The following RBFOX1 variants were observed in gnomAD, a reference collection of about 807,000 sequenced individuals.
RBFOX1 encodes RNA binding protein fox-1 homolog 1.
A neutral mutation model predicts 57.7 loss-of-function variants in RBFOX1; 8 were observed. The observed-to-expected ratio is 0.14, with a 90% CI of 0.08 to 0.25. The LOEUF (loss-of-function observed/expected upper bound fraction) is 0.25. RBFOX1 is among the 10% of genes least tolerant of loss of function. The pLI, the probability that RBFOX1 is intolerant of heterozygous loss-of-function variation, is 1.00. For synonymous variants in RBFOX1, 326 were observed against 222.4 expected, an observed-to-expected ratio of 1.47 and a Z score of -4.15; for missense variants, 611 against 548.5, an observed-to-expected ratio of 1.11 and a Z score of -1.14.
chr16:5,757,071 T>G (rs1208698228), intron 3 of RBFOX1, among the ~76,000 whole-genome samples: 1 of 152,192 alleles, frequency 6.6e-6, no homozygotes, highest in Non-Finnish European at 1.5e-5. Flanking sequence ...ATTGCATTCT[T>G]CAGATTCATT....
At chr16:6,117,682 A>C (rs961602767) in intron 1 of RBFOX1, among the ~76,000 whole-genome samples, 2 of 152,252 alleles carry the variant, frequency 1.3e-5, no homozygotes, top group Non-Finnish European at 2.9e-5. Context: ...TGAACTTCCC[A>C]GCCTCCAGAA....
intron 3 of RBFOX1, among the ~76,000 whole-genome samples, chr16:5,718,696 C>G (rs563886157): frequency 6.6e-6 from 1 of 152,092 alleles, no homozygotes; most frequent in African/African-American, 2.4e-5. Context: ...CACCTGAAGT[C>G]AGGAGTTTGA....
intron 4 of RBFOX1, among the ~76,000 whole-genome samples, chr16:7,346,285 C>G (rs2097003288): frequency 6.6e-6 from 1 of 151,902 alleles, no homozygotes; most frequent in Non-Finnish European, 1.5e-5. Context: ...GACACACACA[C>G]CATGATGTGT....
chr16:6,729,432 G>A (rs577853483), intron 3 of RBFOX1, among the ~76,000 whole-genome samples: 1 of 152,216 alleles, frequency 6.6e-6, no homozygotes, highest in East Asian at 1.9e-4. Flanking sequence ...GCGTTCTGAC[G>A]GCTAAAAGGT....
intron 3 of RBFOX1, among the ~76,000 whole-genome samples, chr16:7,020,216 T>G (rs2094136618): frequency 6.6e-6 from 1 of 152,148 alleles, no homozygotes; most frequent in South Asian, 2.1e-4. Context: ...CTTTGTTTCT[T>G]TGTTTCTTTC....
At chr16:6,755,065 T>C (rs926965980) in intron 3 of RBFOX1, among the ~76,000 whole-genome samples, 3 of 152,206 alleles carry the variant, frequency 2.0e-5, no homozygotes, top group African/African-American at 7.2e-5. Flanking sequence ...TAGTATTCCA[T>C]GGTGTATATG....
At chr16:5,361,888 G>C (rs2065561892) in intron 1 of RBFOX1, among the ~76,000 whole-genome samples, 1 of 152,226 alleles carries the variant, frequency 6.6e-6, no homozygotes, top group East Asian at 1.9e-4. Context: ...CTCACAGGCA[G>C]TGACAAAAAT....
intron 2 of RBFOX1, among the ~76,000 whole-genome samples, chr16:6,546,567 G>A (rs1249132809): frequency 6.6e-6 from 1 of 152,114 alleles, no homozygotes; most frequent in Non-Finnish European, 1.5e-5. Context: ...CATTCTCCCT[G>A]GCTCTTTTCA....
intron 4 of RBFOX1, among the ~76,000 whole-genome samples, chr16:7,212,633 GA>G (rs146379259): frequency 4.6e-5 from 7 of 151,354 alleles, no homozygotes; most frequent in Admixed American, 1.3e-4. Flanking sequence ...AGTTGTTTTA[GA>G]AAAAAAACGA....
intron 2 of RBFOX1, among the ~76,000 whole-genome samples, chr16:5,538,174 A>T (rs1445153160): frequency 6.6e-6 from 1 of 152,180 alleles, no homozygotes; most frequent in Non-Finnish European, 1.5e-5. Flanking sequence ...GAGGGTGTGG[A>T]GATGTAGAGC....
At chr16:6,781,314 T>C (rs1603622726) in intron 3 of RBFOX1, among the ~76,000 whole-genome samples, 1 of 152,164 alleles carries the variant, frequency 6.6e-6, no homozygotes, top group African/African-American at 2.4e-5. Flanking sequence ...TTTAATATGT[T>C]GAATTTGATT....
rs2092454445 is a variant in RBFOX1, at chr16:6,998,421, G to A, written c.-15-53636G>A. 3.3e-5 allele frequency among the ~76,000 whole-genome samples: 5 copies of A among 152,126 alleles called. No individual in the cohort carries two copies. The South Asian group carries it at 1.0e-3, about 32-fold the overall frequency. On this transcript the variant is annotated intron_variant, in intron 3 of 15. Transcript: ENST00000550418. The stretch of plus-strand genomic sequence containing the variant: ...GAAGGGGGCAAAATGAAGCCAGTGA[G>A]ACACAGAATGGTTTGGGGATGGGGG...
intron 4 of RBFOX1, among the ~76,000 whole-genome samples, chr16:7,295,506 A>G (rs778116265): frequency 2.0e-5 from 3 of 152,148 alleles, no homozygotes; most frequent in Non-Finnish European, 2.9e-5. Context: ...TTATCTTTCA[A>G]CAACTTAGGA....
At chr16:7,341,144 G>A (rs1314400413) in intron 4 of RBFOX1, among the ~76,000 whole-genome samples, 1 of 152,040 alleles carries the variant, frequency 6.6e-6, no homozygotes, top group East Asian at 1.9e-4. Flanking sequence ...TCTAAAGATA[G>A]ACCTCTCACA....
chr16:6,018,967 C>T, upstream of RBFOX1: 3 of 515,002 alleles, frequency 5.8e-6, no homozygotes, highest in South Asian at 1.7e-4. Flanking sequence ...GCACGCGTGA[C>T]CGCGGCGGCG....
chr16:5,835,843 C>T (rs996596666), intron 3 of RBFOX1, among the ~76,000 whole-genome samples: 1 of 152,146 alleles, frequency 6.6e-6, no homozygotes, highest in African/African-American at 2.4e-5. Flanking sequence ...TTGGAGGAAC[C>T]ATGCCCACAG....
At chr16:6,824,291 G>A (rs1411382437) in intron 3 of RBFOX1, among the ~76,000 whole-genome samples, 1 of 152,110 alleles carries the variant, frequency 6.6e-6, no homozygotes, top group Admixed American at 6.6e-5. Flanking sequence ...TGTAATCCCG[G>A]CTACTCATGG....
chr16:7,702,073 G>C (rs1373521326), intron 14 of RBFOX1, among the ~76,000 whole-genome samples: 1 of 152,122 alleles, frequency 6.6e-6, no homozygotes, highest in Non-Finnish European at 1.5e-5. Flanking sequence ...CTCTTCTCCT[G>C]CAAGATTAAA....
At chr16:5,767,226 A>G (rs2053814189) in intron 3 of RBFOX1, among the ~76,000 whole-genome samples, 2 of 152,216 alleles carry the variant, frequency 1.3e-5, no homozygotes, top group Admixed American at 6.5e-5. Context: ...ACAAGACAGC[A>G]TCTCCTCTTG....
Sources: allele counts gnomAD v4.1 joint callset (sites outside exome capture counted in the v4.1 genomes callset), GRCh38; gene constraint gnomAD v4.1.1; transcripts MANE v1.5; gene names NCBI Gene and HGNC (gene_info 2026-07-23, HGNC 2026-07-21).